The following SH3GL2 variants were observed in gnomAD, a reference collection of about 807,000 sequenced individuals.
The protein encoded by SH3GL2 is endophilin-A1.
SH3GL2 carries 24 observed loss-of-function variants against 46.0 expected under a neutral mutation model. The ratio of observed to expected loss-of-function variants is 0.52; its 90% CI spans 0.38 to 0.73. SH3GL2 has a LOEUF of 0.73. Among genes scored for constraint, SH3GL2 ranks in the 30% least tolerant of loss-of-function variants. The pLI is 0.00. For missense variants in SH3GL2, 413 were observed against 424.2 expected (o/e 0.97, Z 0.23); for synonymous variants, 196 against 147.1 (o/e 1.33, Z -2.40).
intron 1 of SH3GL2, among the ~76,000 whole-genome samples, chr9:17,699,043 T>C (rs566352519): frequency 6.7e-6 from 1 of 150,032 alleles, no homozygotes; most frequent in African/African-American, 2.5e-5. Flanking sequence ...CAGTCTCAGC[T>C]ACTTGGGAGG....
chr9:17,713,312 A>G (rs951960679), intron 1 of SH3GL2, among the ~76,000 whole-genome samples: 1 of 151,508 alleles, frequency 6.6e-6, no homozygotes, highest in African/African-American at 2.4e-5. Context: ...AAGTTTTCCT[A>G]GAGATTTATC....
At chr9:17,609,153 C>T (rs951293390) in intron 1 of SH3GL2, among the ~76,000 whole-genome samples, 1 of 152,004 alleles carries the variant, frequency 6.6e-6, no homozygotes, top group East Asian at 1.9e-4. Context: ...TTCTCACAGC[C>T]CGATAAAGTA....
rs1314191218 is a variant in SH3GL2 at position 17,745,835 on chromosome 9, G to C, written c.46-1231G>C. Among the ~76,000 whole-genome samples, 8 of 152,248 alleles carry C rather than the reference G, an allele frequency of 5.3e-5. No individual in the cohort carries two copies. In the East Asian group the frequency reaches 1.2e-3, roughly 22 times the overall value. The stretch of plus-strand genomic sequence containing the variant: ...AATCTTCTTAAAGACCCTCAACCTA[G>C]CTGCTATTGAAGGAAATGAAAAACC... On this transcript the variant is annotated intron_variant, in intron 1 of 8. Transcript: ENST00000380607.
At chr9:17,774,843 A>T (rs377575377) in intron 3 of SH3GL2, among the ~76,000 whole-genome samples, 1 of 152,110 alleles carries the variant, frequency 6.6e-6, no homozygotes, top group Non-Finnish European at 1.5e-5. Flanking sequence ...TTTTTGGAAA[A>T]GTTTGAGGAG....
intron 1 of SH3GL2, among the ~76,000 whole-genome samples, chr9:17,700,696 T>C (rs1490600187): frequency 6.6e-6 from 1 of 152,190 alleles, no homozygotes; most frequent in Non-Finnish European, 1.5e-5. Context: ...TCCTAGAAGT[T>C]ACAAAGGGCC....
At chr9:17,608,503 C>T (rs1038295907) in intron 1 of SH3GL2, among the ~76,000 whole-genome samples, 5 of 152,156 alleles carry the variant, frequency 3.3e-5, no homozygotes, top group Admixed American at 2.6e-4. Context: ...TCTTCCTCAT[C>T]CACATAGGTT....
At chr9:17,742,885 G>C (rs2118505329) in intron 1 of SH3GL2, among the ~76,000 whole-genome samples, 1 of 152,242 alleles carries the variant, frequency 6.6e-6, no homozygotes, top group Non-Finnish European at 1.5e-5. Context: ...GGACATATTG[G>C]TTCACTTGTT....
chr9:17,794,049 C>T (rs1214022012), intron 8 of SH3GL2, among the ~76,000 whole-genome samples: 2 of 152,172 alleles, frequency 1.3e-5, no homozygotes, highest in East Asian at 3.9e-4. Flanking sequence ...GTTTTCCTTC[C>T]CATGCCTCAC....
At chr9:17,751,127 C>T (rs1188680100) in intron 2 of SH3GL2, among the ~76,000 whole-genome samples, 2 of 152,154 alleles carry the variant, frequency 1.3e-5, no homozygotes, top group East Asian at 1.9e-4. Context: ...AGAAGATGTC[C>T]TAGGGATAGA....
chr9:17,753,187 A>T (rs180821617), intron 2 of SH3GL2, among the ~76,000 whole-genome samples: 1 of 152,278 alleles, frequency 6.6e-6, no homozygotes, highest in African/African-American at 2.4e-5. Flanking sequence ...ATGTGTCTTT[A>T]TAATAGAACA....
At chr9:17,708,435 A>G (rs1345662954) in intron 1 of SH3GL2, among the ~76,000 whole-genome samples, 1 of 152,080 alleles carries the variant, frequency 6.6e-6, no homozygotes, top group African/African-American at 2.4e-5. Context: ...ACCCCAGAGT[A>G]GAGCAATTCC....
At chr9:17,723,416 G>A (rs548641746) in intron 1 of SH3GL2, among the ~76,000 whole-genome samples, 3 of 151,998 alleles carry the variant, frequency 2.0e-5, no homozygotes, top group African/African-American at 7.2e-5. Flanking sequence ...TAATAATTTA[G>A]CAACTTCTTT....
chr9:17,779,664 G>A (rs1039130969), intron 3 of SH3GL2, among the ~76,000 whole-genome samples: 19 of 152,258 alleles, frequency 1.2e-4, no homozygotes, highest in African/African-American at 4.6e-4. Flanking sequence ...AACTGTTCTT[G>A]AATTTTGTTT....
At chr9:17,670,880 A>C (rs975736225) in intron 1 of SH3GL2, among the ~76,000 whole-genome samples, 3 of 152,220 alleles carry the variant, frequency 2.0e-5, no homozygotes, top group Admixed American at 1.3e-4. Context: ...ATTAAAGCAC[A>C]GATTGCTAGG....
In SH3GL2 at chr9:17,789,473, C is replaced by T. The variant is rs751741211; in HGVS notation, c.547C>T (p.Leu183Phe). 1 of 1,613,342 alleles carries T rather than the reference C, an allele frequency of 6.2e-7. No individual in the cohort carries two copies. Among genetic ancestry groups the T allele is most frequent in the Non-Finnish European group, 8.5e-7 (1 of 1,179,468 alleles). ...ACAAGGCAAGATTCCGGATGAAGAGCTTCGTCAAGCTCTAGAGAAATTTGA... is the reference window on the plus strand; with the variant it reads ...ACAAGGCAAGATTCCGGATGAAGAGTTTCGTCAAGCTCTAGAGAAATTTGA... Reference protein sequence around the residue: ...KRQGKIPDEELRQALEKFDES... With the variant: ...KRQGKIPDEEFRQALEKFDES... Residue 183 changes from leucine (L) to phenylalanine (F), a missense_variant, in exon 6 of 9, where the codon CTT becomes TTT. By Grantham distance (22) the Leu-to-Phe change is conservative (BLOSUM62 0). Around this residue, in one of 3 missense-constraint regions of SH3GL2, gnomAD observed 248 missense variants for 215.0 expected, o/e 1.15. Coordinates refer to ENST00000380607, the MANE Select transcript of SH3GL2 (RefSeq NM_003026.5).
intron 1 of SH3GL2, among the ~76,000 whole-genome samples, chr9:17,720,886 T>G (rs10114474): frequency 0.23 from 35,584 of 152,012 alleles, 6,537 homozygotes; most frequent in African/African-American, 0.51. Context: ...TGGACAATTA[T>G]CGTTTGCTGC....
intron 2 of SH3GL2, 64 bp downstream of exon 2, chr9:17,747,198 A>G: frequency 9.5e-7 from 1 of 1,048,264 alleles, no homozygotes; most frequent in Non-Finnish European, 1.4e-6. Flanking sequence ...ATTAGAGGAG[A>G]AGAGAAAACG....
chr9:17,682,210 A>G (rs892675029), intron 1 of SH3GL2, among the ~76,000 whole-genome samples: 6 of 152,116 alleles, frequency 3.9e-5, no homozygotes, highest in African/African-American at 1.4e-4. Context: ...CCATTACTAG[A>G]TATATACCCA....
chr9:17,678,683 G>A (rs1302127309), intron 1 of SH3GL2, among the ~76,000 whole-genome samples: 1 of 152,192 alleles, frequency 6.6e-6, no homozygotes, highest in Non-Finnish European at 1.5e-5. Context: ...TGCTTTTGGT[G>A]TTTTAGACAT....
Sources: allele counts gnomAD v4.1 joint callset (sites outside exome capture counted in the v4.1 genomes callset), GRCh38; gene constraint gnomAD v4.1.1; regional missense constraint gnomAD v4.1.1; transcripts MANE v1.5; gene names NCBI Gene and HGNC (gene_info 2026-07-23, HGNC 2026-07-21).